Variants in SNX4 observed in about 807,000 individuals in gnomAD.
SNX4 encodes the protein sorting nexin-4.
SNX4 carries 49 observed loss-of-function variants against 70.8 expected under a neutral mutation model. The ratio of observed to expected loss-of-function variants is 0.69; its 90% CI spans 0.55 to 0.88. The LOEUF (loss-of-function observed/expected upper bound fraction) is 0.88, where lower values mean the gene tolerates loss of function less well. Ranked by LOEUF, SNX4 falls within the 40% of genes least tolerant of loss-of-function variation. The pLI, the probability that SNX4 is intolerant of heterozygous loss-of-function variation, is 0.00. For synonymous variants in SNX4, 206 were observed against 183.8 expected (o/e 1.12, Z -0.98); for missense variants, 528 against 544.8 (o/e 0.97, Z 0.31).
chr3:125,495,277 T>TATATATATATACACACAC, intron 5 of SNX4, among the ~76,000 whole-genome samples: 2 of 99,614 alleles, frequency 2.0e-5, no homozygotes, highest in Admixed American at 1.2e-4. Context: ...TATATATATA[T>TATATATATATACACACAC]ACACATACAC....
intron 1 of SNX4, among the ~76,000 whole-genome samples, chr3:125,518,293 T>C (rs1450229634): frequency 6.6e-6 from 1 of 151,498 alleles, no homozygotes; most frequent in African/African-American, 2.4e-5. Context: ...ACCTCATCTT[T>C]ACAAAAAAAA....
intron 5 of SNX4, among the ~76,000 whole-genome samples, chr3:125,492,228 C>T (rs758354458): frequency 6.6e-6 from 1 of 152,054 alleles, no homozygotes; most frequent in Admixed American, 6.6e-5. Context: ...TATCTTCCCG[C>T]ACACATTACC....
At position 125,497,903 on chromosome 3, in the gene SNX4, G is replaced by A. The variant is rs757399745; in HGVS notation, c.480C>T (p.Asn160=). The A allele has an allele frequency of 1.2e-6, 2 of 1,614,150 alleles. No homozygotes were observed. Among genetic ancestry groups the A allele is most frequent in the South Asian group, 1.1e-5 (1 of 91,086 alleles). ...FVERRRIGLE[N]FLLRIASHPI... Reference sequence around the variant, plus strand: ...GATGTGAAGCAATCCTCAAGAGAAAGTTTTCTAAACCAATCCGTCGCCTCT... The same window carrying A: ...GATGTGAAGCAATCCTCAAGAGAAAATTTTCTAAACCAATCCGTCGCCTCT... Residue 160 remains asparagine, a synonymous_variant, in exon 4 of 14, where the codon AAC becomes AAT. Coordinates refer to ENST00000251775, the MANE Select transcript of SNX4 (RefSeq NM_003794.4).
chr3:125,506,237 G>A (rs1935039679), intron 1 of SNX4, among the ~76,000 whole-genome samples: 2 of 152,026 alleles, frequency 1.3e-5, no homozygotes, highest in African/African-American at 4.8e-5. Context: ...TAAAGAAACA[G>A]GGTGGTATGA....
intron 8 of SNX4, among the ~76,000 whole-genome samples, chr3:125,475,477 G>A (rs2107541603): frequency 6.6e-6 from 1 of 152,250 alleles, no homozygotes; most frequent in East Asian, 1.9e-4. Flanking sequence ...CGATTTTCCT[G>A]AGTCAGTCTC....
chr3:125,504,196 G>C (rs2107565202), intron 2 of SNX4, among the ~76,000 whole-genome samples: 1 of 152,184 alleles, frequency 6.6e-6, no homozygotes, highest in East Asian at 1.9e-4. Context: ...AGCTGGGTGT[G>C]GTAGCACATG....
intron 9 of SNX4, among the ~76,000 whole-genome samples, chr3:125,468,670 A>G (rs1934094495): frequency 6.6e-6 from 1 of 152,062 alleles, no homozygotes; most frequent in African/African-American, 2.4e-5. Context: ...ACATAGCAAC[A>G]CTCTGCCTCT....
intron 2 of SNX4, among the ~76,000 whole-genome samples, chr3:125,501,789 T>C (rs1252026424): frequency 1.3e-5 from 2 of 152,216 alleles, no homozygotes; most frequent in Non-Finnish European, 2.9e-5. Context: ...AATAAATTTA[T>C]ATTGAAATAT....
chr3:125,495,275 T>TACACACAC (rs58981797), intron 5 of SNX4, among the ~76,000 whole-genome samples: 2 of 83,062 alleles, frequency 2.4e-5, no homozygotes, highest in African/African-American at 7.2e-5. Context: ...TATATATATA[T>TACACACAC]ATACACATAC....
chr3:125,480,726 CA>C (rs1934392823), intron 6 of SNX4, among the ~76,000 whole-genome samples: 1 of 152,042 alleles, frequency 6.6e-6, no homozygotes, highest in Non-Finnish European at 1.5e-5. Context: ...TGCCATTTTC[CA>C]TAAGGACCAA....
In SNX4 at chr3:125,446,934, T is replaced by C. The variant is rs1315397161; in HGVS notation, c.*845A>G. The C allele has an allele frequency of 1.3e-5, 2 of 152,620 alleles. No individual in the cohort carries two copies. The highest frequency in any genetic ancestry group is 2.9e-5 in the Non-Finnish European group (2 of 68,032). 9.5% of individuals were successfully genotyped at this position (152,620 alleles called of 1,614,324 possible). On this transcript the variant is annotated 3_prime_UTR_variant, in exon 14 of 14. Transcript: ENST00000251775. ...AAAAGAAGGATGTTAATGATGAAGA[T>C]AGCAACACATATGTTTAGTACATAT...
At chr3:125,504,237 G>A (rs1240305863) in intron 2 of SNX4, among the ~76,000 whole-genome samples, 1 of 151,722 alleles carries the variant, frequency 6.6e-6, no homozygotes, top group East Asian at 1.9e-4. Context: ...GGAGGCTAAG[G>A]CAGGAGAATC....
chr3:125,500,716 G>A (rs188679464), intron 2 of SNX4, among the ~76,000 whole-genome samples: 50 of 145,826 alleles, frequency 3.4e-4, no homozygotes, highest in African/African-American at 1.2e-3. Context: ...GCAGAATGGT[G>A]TGAACCCCAG....
intron 8 of SNX4, 32 bp from the exon 9 acceptor site, chr3:125,469,551 A>C: frequency 2.1e-6 from 3 of 1,425,964 alleles, no homozygotes; most frequent in Non-Finnish European, 3.0e-6. Flanking sequence ...CAAAAGCAAC[A>C]TGCATTAGAG....
intron 1 of SNX4, among the ~76,000 whole-genome samples, chr3:125,515,976 T>C (rs1203419056): frequency 1.3e-5 from 2 of 152,178 alleles, no homozygotes; most frequent in Admixed American, 1.3e-4. Flanking sequence ...CTTTTTAATG[T>C]TATCCTTACC....
intron 9 of SNX4, among the ~76,000 whole-genome samples, chr3:125,468,535 TA>T (rs1559813169): frequency 6.7e-6 from 1 of 149,584 alleles, no homozygotes; most frequent in Non-Finnish European, 1.5e-5. Flanking sequence ...ACCCCATCTC[TA>T]AAAAAAGAAA....
intron 9 of SNX4, among the ~76,000 whole-genome samples, chr3:125,464,564 C>CTTTTTTTTTTTTTTTTTTTT (rs778518316): frequency 7.5e-5 from 5 of 67,054 alleles, no homozygotes; most frequent in Non-Finnish European, 1.1e-4. Context: ...ATTTATCTTT[C>CTTTTTTTTTTTTTTTTTTTT]TTTTTTTTTT....
At chr3:125,497,054 C>T (rs576136097) in intron 5 of SNX4, among the ~76,000 whole-genome samples, 189 of 149,280 alleles carry the variant, frequency 1.3e-3, no homozygotes, top group African/African-American at 4.5e-3. Flanking sequence ...ATTTAAATTA[C>T]TGCTTCATTA....
intron 6 of SNX4, among the ~76,000 whole-genome samples, chr3:125,482,333 C>T (rs181158546): frequency 7.9e-5 from 12 of 152,308 alleles, no homozygotes; most frequent in African/African-American, 2.4e-4. Context: ...TTCCCTTGTG[C>T]TCCCTTGCAC....
Sources: allele counts gnomAD v4.1 joint callset (sites outside exome capture counted in the v4.1 genomes callset), GRCh38; gene constraint gnomAD v4.1.1; transcripts MANE v1.5; gene names NCBI Gene and HGNC (gene_info 2026-07-23, HGNC 2026-07-21).